SH3KBP1: variants seen among roughly 807,000 people sequenced by gnomAD.
SH3KBP1 encodes the protein SH3 domain-containing kinase-binding protein 1.
Under a neutral mutation model 50.1 loss-of-function variants are expected in SH3KBP1, and 8 were observed. The ratio of observed to expected loss-of-function variants is 0.16; its 90% confidence interval spans 0.09 to 0.29. The LOEUF (loss-of-function observed/expected upper bound fraction) is 0.29, where lower values mean the gene tolerates loss of function less well. Ranked by LOEUF, SH3KBP1 falls within the 10% of genes least tolerant of loss-of-function variation. The probability of loss-of-function intolerance (pLI) is 1.00; values close to 1 mark genes in which losing one functional copy is unlikely to be tolerated. For synonymous variants in SH3KBP1, 227 were observed against 218.6 expected (o/e 1.04, Z -0.34); for missense variants, 377 against 535.2 (o/e 0.70, Z 2.92).
chrX:19,735,724 C>CGGGGGGG (rs1175892426), intron 3 of SH3KBP1, among the ~76,000 whole-genome samples: 3 of 8,599 alleles, frequency 3.5e-4, no homozygotes, highest in Non-Finnish European at 5.2e-4. Context: ...TTTTTTTTGG[C>CGGGGGGG]GGGGGGGGGG....
intron 9 of SH3KBP1, among the ~76,000 whole-genome samples, chrX:19,606,859 C>G (rs376144800): frequency 8.9e-6 from 1 of 111,852 alleles, no homozygotes; most frequent in East Asian, 2.8e-4. Flanking sequence ...AACCCAAACT[C>G]AGACTCCAAG....
At chrX:19,882,161 A>G (rs1426988908) in intron 1 of SH3KBP1, among the ~76,000 whole-genome samples, 1 of 111,820 alleles carries the variant, frequency 8.9e-6, no homozygotes, top group African/African-American at 3.3e-5. Flanking sequence ...AAGGAGGGAC[A>G]GGGCAGTTGA....
At chrX:19,643,426 T>C (rs1318056332) in intron 7 of SH3KBP1, among the ~76,000 whole-genome samples, 1 of 103,162 alleles carries the variant, frequency 9.7e-6, no homozygotes, top group Non-Finnish European at 2.0e-5. Flanking sequence ...GGGGTAATCC[T>C]CCCATGTCAG....
intron 6 of SH3KBP1, among the ~76,000 whole-genome samples, chrX:19,648,434 A>AGGAAGGAAGGAG (rs1305838546): frequency 4.1e-5 from 4 of 98,275 alleles, no homozygotes; most frequent in Non-Finnish European, 8.3e-5. Context: ...GAAGGAGGGA[A>AGGAAGGAAGGAG]GGAAGGAAGG....
chrX:19,876,954 TC>T (rs926239844), intron 1 of SH3KBP1, among the ~76,000 whole-genome samples: 1 of 110,625 alleles, frequency 9.0e-6, no homozygotes, highest in African/African-American at 3.3e-5. Context: ...ACCTCACTTT[TC>T]CCCCCACAAT....
intron 2 of SH3KBP1, among the ~76,000 whole-genome samples, chrX:19,781,981 A>C (rs896796806): frequency 5.4e-5 from 6 of 111,567 alleles, no homozygotes; most frequent in African/African-American, 2.0e-4. Flanking sequence ...CCCCATCCTG[A>C]ATTGCTACTC....
At chrX:19,682,062 G>A (rs2063067823) in intron 6 of SH3KBP1, among the ~76,000 whole-genome samples, 4 of 110,235 alleles carry the variant, frequency 3.6e-5, no homozygotes, top group African/African-American at 9.9e-5. Context: ...GGGAGATGGC[G>A]CTGCCTTCAA....
intron 2 of SH3KBP1, among the ~76,000 whole-genome samples, chrX:19,814,817 C>A (rs954695232): frequency 3.5e-4 from 39 of 111,608 alleles, no homozygotes; most frequent in Admixed American, 1.2e-3. Flanking sequence ...GGCCCACATC[C>A]TCTCACACTC....
At chrX:19,775,657 G>A (rs1287042158) in intron 2 of SH3KBP1, among the ~76,000 whole-genome samples, 2 of 111,316 alleles carry the variant, frequency 1.8e-5, no homozygotes, top group Non-Finnish European at 3.8e-5. Flanking sequence ...TTTGGAGTAC[G>A]CAGGCCCTGG....
chrX:19,761,169 G>A (rs1178616231), intron 2 of SH3KBP1, among the ~76,000 whole-genome samples: 1 of 69,341 alleles, frequency 1.4e-5, no homozygotes, highest in African/African-American at 5.4e-5. Flanking sequence ...AGAGAGGGGG[G>A]AGGGGAGGGG....
intron 13 of SH3KBP1, among the ~76,000 whole-genome samples, chrX:19,564,026 T>C (rs1276226331): frequency 1.8e-5 from 2 of 111,544 alleles, no homozygotes; most frequent in Admixed American, 9.5e-5. Flanking sequence ...TATCTTGTTT[T>C]ATTGAACCTG....
At chrX:19,827,112 C>T (rs1233326733) in intron 2 of SH3KBP1, among the ~76,000 whole-genome samples, 3 of 111,654 alleles carry the variant, frequency 2.7e-5, no homozygotes, top group Non-Finnish European at 5.6e-5. Context: ...TCTAAATGTG[C>T]CAAAGAGAGA....
chrX:19,682,874 C>A (rs769667482), intron 6 of SH3KBP1, among the ~76,000 whole-genome samples: 3 of 101,265 alleles, frequency 3.0e-5, no homozygotes, highest in African/African-American at 1.1e-4. Context: ...GATGATGCAA[C>A]CTTTAAAATG....
chrX:19,861,714 T>C (rs1165375414), intron 1 of SH3KBP1, among the ~76,000 whole-genome samples: 1 of 111,212 alleles, frequency 9.0e-6, no homozygotes, highest in Admixed American at 9.6e-5. Flanking sequence ...CAGAGCCAAA[T>C]ACAGACTGTG....
chrX:19,750,205 C>A (rs886189337), intron 2 of SH3KBP1, among the ~76,000 whole-genome samples: 6 of 111,701 alleles, frequency 5.4e-5, no homozygotes, highest in Non-Finnish European at 1.1e-4. Flanking sequence ...ATTACAGGCA[C>A]GTGCCACCTC....
intron 1 of SH3KBP1, among the ~76,000 whole-genome samples, chrX:19,855,278 C>T (rs892116651): frequency 1.5e-4 from 17 of 111,793 alleles, no homozygotes; most frequent in African/African-American, 5.2e-4. Context: ...GCTACCATGC[C>T]CCGCCGGTAA....
chrX:19,672,632 A>G (rs2062825650), intron 6 of SH3KBP1, among the ~76,000 whole-genome samples: 1 of 112,231 alleles, frequency 8.9e-6, no homozygotes, highest in Non-Finnish European at 1.9e-5. Flanking sequence ...AAATAAAGAA[A>G]GTCTGGGAAA....
chrX:19,874,088 A>T (rs1266389408), intron 1 of SH3KBP1, among the ~76,000 whole-genome samples: 4 of 92,512 alleles, frequency 4.3e-5, no homozygotes, highest in South Asian at 4.6e-4. Flanking sequence ...TATATATATA[A>T]AACTCTAAAA....
intron 1 of SH3KBP1, among the ~76,000 whole-genome samples, chrX:19,845,582 G>A (rs903621187): frequency 2.7e-5 from 3 of 110,709 alleles, no homozygotes; most frequent in Admixed American, 9.5e-5. Flanking sequence ...CAACAATCAC[G>A]GAGGGGAAAA....
Sources: gnomAD v4.1 joint callset for allele counts (sites outside exome capture counted in the v4.1 genomes callset) on GRCh38, gnomAD v4.1.1 for gene constraint, MANE v1.5 for transcripts, NCBI Gene and HGNC (gene_info 2026-07-23, HGNC 2026-07-21) for gene names.